ASIC4: variants seen among roughly 807,000 people sequenced by gnomAD.
The protein encoded by ASIC4 is acid-sensing ion channel 4.
In ASIC4, 28 loss-of-function variants were observed where a neutral mutation model predicts 53.4. That is an observed-to-expected ratio of 0.52 (90% confidence interval 0.39 to 0.72). The LOEUF is 0.72. ASIC4 is among the 30% of genes least tolerant of loss of function. ASIC4 has a pLI of 0.00. For missense variants in ASIC4, 649 were observed against 729.7 expected (o/e 0.89, Z 1.27); for synonymous variants, 289 against 301.4 (o/e 0.96, Z 0.43).
chr2:219,508,263 C>G, the ASIC4 span, among the ~76,000 whole-genome samples: 1 of 152,160 alleles, frequency 6.6e-6, no homozygotes, highest in Non-Finnish European at 1.5e-5. Flanking sequence ...TAGTCCTGAC[C>G]CTTCTGTTCC....
At chr2:219,535,915 G>A (rs2105981400) in intron 6 of ASIC4, among the ~76,000 whole-genome samples, 1 of 152,022 alleles carries the variant, frequency 6.6e-6, no homozygotes, top group African/African-American at 2.4e-5. Context: ...TGGGATTATA[G>A]GCACCCACAG....
chr2:219,535,462 T>TACATGC, intron 6 of ASIC4, 138 bp downstream of exon 6: 1 of 1,041,292 alleles, frequency 9.6e-7, no homozygotes, highest in Non-Finnish European at 1.4e-6. Context: ...TGTGGGTGTG[T>TACATGC]ATGTGTGTGG....
rs1006281249 is a variant in ASIC4 at position 219,538,534 on chromosome 2, C to G, written c.*488C>G. The G allele has an allele frequency of 1.2e-5, 2 of 163,810 alleles. No homozygotes were observed. The highest frequency in any genetic ancestry group is 2.7e-5 in the Non-Finnish European group (2 of 74,540). 10.1% of individuals were successfully genotyped at this position (163,810 alleles called of 1,614,324 possible). A position where few individuals can be genotyped will look rare whatever the true frequency, so the allele number is the denominator to read the frequency against. The stretch of plus-strand genomic sequence containing the variant: ...GCTGGGCTGGTCCTACTTCCTGCCC[C>G]TCTCCAGGCCCAGCTCCCCTCTTGG... On this transcript the variant is annotated 3_prime_UTR_variant, in exon 10 of 10. Coordinates refer to ENST00000358078, the MANE Select transcript of ASIC4 (RefSeq NM_018674.6).
chr2:219,509,414 CTT>C (rs944109941), upstream of ASIC4, among the ~76,000 whole-genome samples: 50 of 152,256 alleles, frequency 3.3e-4, no homozygotes, highest in African/African-American at 1.2e-3. This position sits in a 1 kb window ranked among gnomAD's most constrained non-coding sequence, Gnocchi z 5.2. Context: ...GACACATACT[CTT>C]TGAGGCGAAG....
rs1170581420 is a variant in ASIC4 at position 219,514,729 on chromosome 2, C to T, written c.5C>T (p.Pro2Leu). The stretch of plus-strand genomic sequence containing the variant: ...AGTCCCAGCAGCCGGGGACAGATGC[C>T]GATCGAGATTGTGTGCAAAATCAAA... M[P>L]IEIVCKIKFA... Residue 2 changes from proline to leucine, a missense_variant, in exon 1 of 10, where the codon CCG (proline) becomes CTG (leucine). Physicochemically the swap from Pro to Leu is moderately conservative, Grantham distance 98. Transcript: ENST00000358078. 5.6e-6 allele frequency: 9 copies of T among 1,613,520 alleles called. No homozygotes were observed. Among genetic ancestry groups the T allele is most frequent in the African/African-American group, 4.0e-5 (3 of 74,910 alleles).
chr2:219,537,701 A>C lies in ASIC4; in HGVS notation c.1471A>C (p.Ile491Leu), dbSNP rs1187571108. ...CCCCCTGCGGACCTCCACTGGGGGC[A>C]TCTCCACTTTGGGGCTTCAGGAGCT... is the stretch of plus-strand genomic sequence containing the variant. ...KTPLRTSTGG[I>L]STLGLQELKE... Residue 491 changes from isoleucine to leucine, a missense_variant, in exon 9 of 10, where the codon ATC becomes CTC. By Grantham distance (5) the Ile-to-Leu change is conservative. Coordinates refer to ENST00000358078, the MANE Select transcript of ASIC4 (RefSeq NM_018674.6). This position sits in a 1 kb window ranked among gnomAD's most constrained non-coding sequence, Gnocchi z 4.9. The C allele has an allele frequency of 1.2e-6, 2 of 1,614,072 alleles. No individual in the cohort carries two copies. Among genetic ancestry groups the C allele is most frequent in the Non-Finnish European group, 1.7e-6 (2 of 1,179,966 alleles).
chr2:219,521,542 G>T (rs1694884701), intron 1 of ASIC4, among the ~76,000 whole-genome samples: 1 of 152,162 alleles, frequency 6.6e-6, no homozygotes, highest in African/African-American at 2.4e-5. Context: ...AGAGGCAGGG[G>T]CACCCAGGAA....
In ASIC4 at chr2:219,537,119, T is replaced by C. The variant is rs1331473449; in HGVS notation, c.1283T>C (p.Met428Thr). 1 of 1,614,048 alleles carries C rather than the reference T, an allele frequency of 6.2e-7. No homozygotes were observed. The highest frequency in any genetic ancestry group is 1.3e-5 in the African/African-American group (1 of 74,916). Residue 428 changes from methionine to threonine, a missense_variant, in exon 7 of 10, where the codon ATG (methionine) becomes ACG (threonine). Transcript: ENST00000358078. This position sits in a 1 kb window ranked among gnomAD's most constrained non-coding sequence, Gnocchi z 4.9. ...VFFEALTSEA[M>T]EQRAAYGLSA... is the part of the protein sequence containing the mutation. Reference sequence around the variant, plus strand: ...TTTGAGGCCCTGACCTCTGAAGCCATGGAGCAGCGAGCAGCCTATGGCCTG... The same window carrying C: ...TTTGAGGCCCTGACCTCTGAAGCCACGGAGCAGCGAGCAGCCTATGGCCTG...
intron 5 of ASIC4, chr2:219,533,211 C>T: frequency 1.8e-6 from 1 of 549,680 alleles, no homozygotes; most frequent in Admixed American, 3.1e-5. Context: ...TTGGTTCAGC[C>T]AATGAGCTCA....
chr2:219,528,897 G>A (rs1463033085), intron 1 of ASIC4, among the ~76,000 whole-genome samples: 1 of 152,140 alleles, frequency 6.6e-6, no homozygotes, highest in Non-Finnish European at 1.5e-5. Context: ...CCAGTGACTT[G>A]CGATAAGAGC....
upstream of ASIC4, chr2:219,514,121 T>C (rs1694736660): frequency 5.2e-6 from 3 of 578,352 alleles, no homozygotes; most frequent in South Asian, 4.8e-5. Context: ...CTGAGGACCC[T>C]GGGCACGGCA....
At chr2:219,527,582 GTTCTA>G (rs1694980298) in intron 1 of ASIC4, among the ~76,000 whole-genome samples, 1 of 152,152 alleles carries the variant, frequency 6.6e-6, no homozygotes, top group South Asian at 2.1e-4. Flanking sequence ...CCCACCAGGT[GTTCTA>G]TAAGCACCTA....
In ASIC4 at chr2:219,533,931, G is replaced by C. The variant is rs543052177; in HGVS notation, c.1075+992G>C. On this transcript the variant is annotated intron_variant, in intron 5 of 9. Transcript: ENST00000358078. ...ATCTATAGTCCCACCTATTCGGGAG[G>C]CTGAGGCAAGAGGATAGGCTTGAGC... 4 of 151,380 alleles carry C rather than the reference G, an allele frequency of 2.6e-5. No homozygotes were observed. The East Asian group carries it at 7.8e-4, about 30-fold the overall frequency. The allele number at this position is 151,380 out of a possible 1,614,324, so 9.4% of individuals were successfully genotyped here.
upstream of ASIC4, among the ~76,000 whole-genome samples, chr2:219,513,702 G>A (rs934633545): frequency 2.6e-5 from 4 of 152,324 alleles, no homozygotes; most frequent in Admixed American, 1.3e-4. Context: ...GAACATTTGG[G>A]GAAGCAAAGT....
intron 1 of ASIC4, among the ~76,000 whole-genome samples, chr2:219,515,835 T>G (rs1416644963): frequency 6.6e-6 from 1 of 152,166 alleles, no homozygotes; most frequent in East Asian, 1.9e-4. Flanking sequence ...TTCAGGACAC[T>G]GGGTGCCAGT....
At chr2:219,512,193 C>T (rs1694710798), upstream of ASIC4, among the ~76,000 whole-genome samples, 1 of 152,114 alleles carries the variant, frequency 6.6e-6, no homozygotes, top group South Asian at 2.1e-4. Flanking sequence ...CCGCATGCCC[C>T]TTATACCCAG....
At chr2:219,509,656 G>A (rs372005246), upstream of ASIC4, among the ~76,000 whole-genome samples, 2 of 152,106 alleles carry the variant, frequency 1.3e-5, no homozygotes, top group Non-Finnish European at 2.9e-5. This position sits in a 1 kb window ranked among gnomAD's most constrained non-coding sequence, Gnocchi z 5.2. Context: ...GAGGCTCAGA[G>A]AGCAGGAGGG....
chr2:219,534,283 T>C (rs1354331025), intron 5 of ASIC4, among the ~76,000 whole-genome samples: 1 of 152,116 alleles, frequency 6.6e-6, no homozygotes, highest in Non-Finnish European at 1.5e-5. Flanking sequence ...ACAGGGGTGA[T>C]TGGAGATGTT....
upstream of ASIC4, among the ~76,000 whole-genome samples, chr2:219,513,266 C>G (rs964758049): frequency 6.6e-6 from 1 of 152,100 alleles, no homozygotes; most frequent in Non-Finnish European, 1.5e-5. Context: ...AGGGCTTCCT[C>G]CCCCGTGAGG....
Sources: gnomAD v4.1 joint callset for allele counts (sites outside exome capture counted in the v4.1 genomes callset) on GRCh38, gnomAD v4.1.1 for gene constraint, Gnocchi (gnomAD v3.1) non-coding constraint, MANE v1.5 for transcripts, NCBI Gene and HGNC (gene_info 2026-07-23, HGNC 2026-07-21) for gene names.